Variants in ARIH2 observed in about 807,000 individuals in gnomAD.
ARIH2 encodes ariadne RBR E3 ubiquitin protein ligase 2, also known as E3 ubiquitin-protein ligase ARIH2.
In ARIH2, 12 loss-of-function variants were observed where a neutral mutation model predicts 79.8. The observed-to-expected ratio is 0.15, with a 90% CI of 0.10 to 0.24. ARIH2 has a LOEUF of 0.24. ARIH2 is among the 10% of genes least tolerant of loss of function. ARIH2 has a pLI of 1.00. For synonymous variants in ARIH2, 224 were observed against 213.9 expected, an observed-to-expected ratio of 1.05 and a Z score of -0.41; for missense variants, 301 against 618.3, an observed-to-expected ratio of 0.49 and a Z score of 5.44.
chr3:48,942,853 G>A (rs1015123837), intron 3 of ARIH2, among the ~76,000 whole-genome samples: 1 of 152,012 alleles, frequency 6.6e-6, no homozygotes, highest in East Asian at 1.9e-4. Flanking sequence ...GTTTCTCCAT[G>A]TTGGTCAGGC....
intron 3 of ARIH2, among the ~76,000 whole-genome samples, chr3:48,958,770 G>A (rs938002288): frequency 2.6e-5 from 4 of 152,028 alleles, no homozygotes; most frequent in Admixed American, 1.3e-4. Context: ...TCAGCACTTC[G>A]GGAGGAGGCT....
At chr3:48,923,243 C>CA (rs1295035370) in intron 2 of ARIH2, among the ~76,000 whole-genome samples, 2 of 150,310 alleles carry the variant, frequency 1.3e-5, no homozygotes, top group African/African-American at 4.9e-5. Flanking sequence ...ATTAAAAATA[C>CA]AAAAAAAATT....
intron 9 of ARIH2, among the ~76,000 whole-genome samples, chr3:48,974,018 A>G (rs2092380786): frequency 6.6e-6 from 1 of 152,180 alleles, no homozygotes; most frequent in Admixed American, 6.5e-5. Flanking sequence ...TTTCTTTATT[A>G]TGATGAAATG....
intron 15 of ARIH2, 78 bp from the exon 16 acceptor site, chr3:48,983,121 G>C (rs1435171775): frequency 1.3e-6 from 2 of 1,559,770 alleles, no homozygotes; most frequent in Non-Finnish European, 1.8e-6. Context: ...GGAGGTCCTG[G>C]AGGGTGTTTG....
intron 3 of ARIH2, among the ~76,000 whole-genome samples, chr3:48,934,063 G>A (rs1423512684): frequency 6.6e-6 from 1 of 152,074 alleles, no homozygotes; most frequent in Non-Finnish European, 1.5e-5. Flanking sequence ...AAATGTGACT[G>A]GAAAATCTCT....
At chr3:48,923,284 C>T (rs1050672554) in intron 2 of ARIH2, among the ~76,000 whole-genome samples, 3 of 151,366 alleles carry the variant, frequency 2.0e-5, no homozygotes, top group Admixed American at 2.0e-4. Flanking sequence ...GCTTGTAATC[C>T]CAGCTACTGA....
At chr3:48,960,456 T>TAA (rs56946572) in intron 3 of ARIH2, among the ~76,000 whole-genome samples, 10 of 136,472 alleles carry the variant, frequency 7.3e-5, no homozygotes, top group African/African-American at 5.4e-5. Context: ...GCTCATTATT[T>TAA]AAAAAAAAAA....
At chr3:48,923,894 A>G (rs543897698) in intron 2 of ARIH2, among the ~76,000 whole-genome samples, 11 of 152,182 alleles carry the variant, frequency 7.2e-5, no homozygotes, top group Admixed American at 3.3e-4. Flanking sequence ...AGCGTTTTGT[A>G]AGGCCAACGC....
intron 8 of ARIH2, among the ~76,000 whole-genome samples, chr3:48,971,603 C>T (rs1458505793): frequency 6.6e-6 from 1 of 152,130 alleles, no homozygotes; most frequent in Non-Finnish European, 1.5e-5. Context: ...AATCGTAGAG[C>T]CATAATTTAG....
At chr3:48,935,465 C>A (rs2086979967) in intron 3 of ARIH2, among the ~76,000 whole-genome samples, 1 of 152,146 alleles carries the variant, frequency 6.6e-6, no homozygotes, top group African/African-American at 2.4e-5. Flanking sequence ...CTATGTATTA[C>A]AGTTGTTGGG....
intron 4 of ARIH2, 141 bp from the exon 5 acceptor site, chr3:48,964,778 G>A (rs1402488823): frequency 1.7e-6 from 1 of 583,684 alleles, no homozygotes; most frequent in African/African-American, 1.9e-5. Context: ...AAAAGTCTTT[G>A]TACTGAGATA....
At chr3:48,961,816 C>T in intron 4 of ARIH2, 137 bp downstream of exon 4, 4 of 588,826 alleles carry the variant, frequency 6.8e-6, no homozygotes, top group Non-Finnish European at 1.2e-5. Context: ...TTCTATTTTA[C>T]ATCCTCTTCT....
intron 3 of ARIH2, among the ~76,000 whole-genome samples, chr3:48,937,338 A>G (rs1409985105): frequency 3.3e-5 from 5 of 152,070 alleles, no homozygotes; most frequent in Admixed American, 3.3e-4. Flanking sequence ...TGGATTCTCT[A>G]TCTTAATTGT....
chr3:48,945,214 T>C (rs1251500630), intron 3 of ARIH2: 2 of 1,288,882 alleles, frequency 1.6e-6, no homozygotes, highest in Non-Finnish European at 2.0e-6. Flanking sequence ...ACAGTTTTGG[T>C]GGGCTGCTGG....
intron 3 of ARIH2, among the ~76,000 whole-genome samples, chr3:48,930,283 G>A (rs911642703): frequency 4.6e-5 from 7 of 152,138 alleles, no homozygotes; most frequent in Non-Finnish European, 8.8e-5. Flanking sequence ...ATACAAGCTA[G>A]CATTGTTTTT....
At chr3:48,981,529 C>G in intron 13 of ARIH2, 131 bp from the exon 14 acceptor site, 1 of 591,636 alleles carries the variant, frequency 1.7e-6, no homozygotes, top group Non-Finnish European at 2.9e-6. Context: ...GGCCTAGTAT[C>G]ATTTCTTTCA....
chr3:48,938,736 G>C (rs1309448818), intron 3 of ARIH2, among the ~76,000 whole-genome samples: 1 of 151,854 alleles, frequency 6.6e-6, no homozygotes, highest in East Asian at 1.9e-4. Flanking sequence ...GGTTGGAGTG[G>C]GGTGTTGTCT....
At chr3:48,944,954 A>C (rs2088907699) in intron 3 of ARIH2, 3 of 424,044 alleles carry the variant, frequency 7.1e-6, no homozygotes, top group Non-Finnish European at 1.3e-5. Flanking sequence ...CCCACAGTTC[A>C]CTACCTTTCT....
At chr3:48,970,899 G>T in intron 8 of ARIH2, 195 bp downstream of exon 8, 1 of 499,272 alleles carries the variant, frequency 2.0e-6, no homozygotes, top group Non-Finnish European at 3.6e-6. Context: ...GCTCAGTCTG[G>T]AGGCAAGGAA....
Sources: gnomAD v4.1 joint callset for allele counts (sites outside exome capture counted in the v4.1 genomes callset) on GRCh38, gnomAD v4.1.1 for gene constraint, MANE v1.5 for transcripts, NCBI Gene and HGNC (gene_info 2026-07-23, HGNC 2026-07-21) for gene names.